ATP8A2: variants seen among roughly 807,000 people sequenced by gnomAD.
ATP8A2 encodes the protein ATPase phospholipid transporting 8A2, also known as phospholipid-transporting ATPase IB.
A neutral mutation model predicts 165.6 loss-of-function variants in ATP8A2; 100 were observed. The observed-to-expected ratio is 0.60, with a 90% CI of 0.51 to 0.71. The LOEUF (loss-of-function observed/expected upper bound fraction) is 0.71. Among genes scored for constraint, ATP8A2 ranks in the 30% least tolerant of loss-of-function variants. The pLI is 0.00. For missense variants in ATP8A2, 1,227 were observed against 1,479.5 expected, an observed-to-expected ratio of 0.83 and a Z score of 2.80; for synonymous variants, 543 against 548.8, an observed-to-expected ratio of 0.99 and a Z score of 0.15.
chr13:25,372,342 G>T lies in ATP8A2; in HGVS notation c.76+54G>T. On this transcript the variant is annotated intron_variant, in intron 1 of 36. Transcript: ENST00000381655. This position sits in a 1 kb window ranked among gnomAD's most constrained non-coding sequence, Gnocchi z 4.8. ...GGTGGGCCCGGGGCGGGGGCGGCGC[G>T]GGGCGCGCCTGCGGTTATGCGACAC... 7.6e-7 allele frequency: 1 copy of T among 1,321,176 alleles called. No homozygotes were observed. The highest frequency in any genetic ancestry group is 1.0e-6 in the Non-Finnish European group (1 of 1,000,330). 81.8% of individuals were successfully genotyped at this position (1,321,176 alleles called of 1,614,324 possible). A position where few individuals can be genotyped will look rare whatever the true frequency, so the allele number is the denominator to read the frequency against.
intron 16 of ATP8A2, among the ~76,000 whole-genome samples, chr13:25,564,670 G>A (rs752494974): frequency 4.6e-5 from 7 of 152,168 alleles, no homozygotes; most frequent in Non-Finnish European, 8.8e-5. Flanking sequence ...TCAATTCACT[G>A]TTATTTTATT....
chr13:25,725,782 T>C (rs1174067057), intron 25 of ATP8A2, among the ~76,000 whole-genome samples: 1 of 152,188 alleles, frequency 6.6e-6, no homozygotes, highest in Non-Finnish European at 1.5e-5. Context: ...GTCTTATAGA[T>C]CAATCTTGTA....
intron 28 of ATP8A2, among the ~76,000 whole-genome samples, chr13:25,835,465 T>C (rs1191101194): frequency 6.6e-6 from 1 of 152,124 alleles, no homozygotes; most frequent in Non-Finnish European, 1.5e-5. Flanking sequence ...TCTGGCCATA[T>C]ACTCCATCTC....
chr13:25,658,292 C>T (rs2041976786), intron 24 of ATP8A2, among the ~76,000 whole-genome samples: 1 of 152,152 alleles, frequency 6.6e-6, no homozygotes, highest in African/African-American at 2.4e-5. Flanking sequence ...CCAAAAATGA[C>T]CAGACATTCC....
intron 33 of ATP8A2, among the ~76,000 whole-genome samples, chr13:25,916,738 A>T (rs1954278646): frequency 6.6e-6 from 1 of 152,164 alleles, no homozygotes; most frequent in African/African-American, 2.4e-5. Flanking sequence ...CTAACCCATC[A>T]TCATTTTTGT....
At chr13:25,859,896 T>A (rs1952294757) in intron 30 of ATP8A2, among the ~76,000 whole-genome samples, 1 of 152,208 alleles carries the variant, frequency 6.6e-6, no homozygotes, top group African/African-American at 2.4e-5. Context: ...CTCCTTTTTT[T>A]AAAACAAACT....
rs536748038 is a variant in ATP8A2 at position 25,390,165 on chromosome 13, T to C, written c.76+17877T>C. Among the ~76,000 whole-genome samples the C allele has an allele frequency of 2.0e-5, 3 of 152,244 alleles. No individual in the cohort carries two copies. The East Asian group carries it at 5.8e-4, about 30-fold the overall frequency. On this transcript the variant is annotated intron_variant, in intron 1 of 36. Coordinates refer to ENST00000381655, the MANE Select transcript of ATP8A2 (RefSeq NM_016529.6). ...TGTGCCTTAACACCCAGCTAATTTT[T>C]GTATTTTTAGTACAGATGAGGTTTC...
intron 27 of ATP8A2, among the ~76,000 whole-genome samples, chr13:25,798,442 G>A (rs938020801): frequency 2.0e-5 from 3 of 152,218 alleles, no homozygotes; most frequent in Middle Eastern, 3.4e-3. Flanking sequence ...ACTGTCTGTG[G>A]TCATGCACTT....
At chr13:25,903,774 T>G (rs1485393151) in intron 33 of ATP8A2, among the ~76,000 whole-genome samples, 1 of 152,208 alleles carries the variant, frequency 6.6e-6, no homozygotes, top group Non-Finnish European at 1.5e-5. Context: ...TTACCCTGTT[T>G]CCAAGTCACT....
intron 2 of ATP8A2, chr13:25,517,237 A>T (rs2037508545): frequency 6.6e-6 from 1 of 152,184 alleles, no homozygotes; most frequent in Non-Finnish European, 1.5e-5. Flanking sequence ...AAGTTAAAAA[A>T]AAAAGAAAGA....
intron 24 of ATP8A2, among the ~76,000 whole-genome samples, chr13:25,655,059 G>A (rs2041897773): frequency 1.3e-5 from 2 of 152,200 alleles, no homozygotes; most frequent in Non-Finnish European, 2.9e-5. Context: ...TTGTCTGAGG[G>A]TTAGAAGACT....
intron 35 of ATP8A2, among the ~76,000 whole-genome samples, chr13:25,973,494 A>G (rs1593652166): frequency 1.3e-5 from 2 of 152,308 alleles, no homozygotes; most frequent in East Asian, 1.9e-4. Context: ...GAACCACAGC[A>G]GCAAGATTTC....
intron 10 of ATP8A2, among the ~76,000 whole-genome samples, chr13:25,545,523 T>C (rs1358992820): frequency 6.6e-6 from 1 of 152,062 alleles, no homozygotes; most frequent in East Asian, 1.9e-4. Context: ...AAAAATAGTT[T>C]AGTACCCTGC....
intron 1 of ATP8A2, among the ~76,000 whole-genome samples, chr13:25,385,976 G>A (rs907064255): frequency 3.1e-4 from 47 of 150,512 alleles, no homozygotes; most frequent in African/African-American, 9.1e-4. Flanking sequence ...GCAGTGGTTC[G>A]ACCTTAGCGG....
chr13:25,390,882 G>T (rs1049307642), intron 1 of ATP8A2, among the ~76,000 whole-genome samples: 1 of 150,492 alleles, frequency 6.6e-6, no homozygotes, highest in African/African-American at 2.4e-5. Context: ...CCGAGATCAT[G>T]CCACTGCACT....
chr13:25,796,975 A>G (rs984561743), intron 27 of ATP8A2, among the ~76,000 whole-genome samples: 2 of 152,202 alleles, frequency 1.3e-5, no homozygotes, highest in African/African-American at 2.4e-5. Flanking sequence ...ACATTTAAAA[A>G]TAACTAAAAC....
At chr13:25,567,518 A>G (rs1008579074) in intron 16 of ATP8A2, among the ~76,000 whole-genome samples, 20 of 152,174 alleles carry the variant, frequency 1.3e-4, no homozygotes, top group Admixed American at 3.9e-4. Context: ...CCCCTGTGAA[A>G]AGGAAGCCCT....
chr13:25,716,890 G>A (rs1029567678), intron 25 of ATP8A2, among the ~76,000 whole-genome samples: 2 of 152,194 alleles, frequency 1.3e-5, no homozygotes, highest in Admixed American at 1.3e-4. Flanking sequence ...ACAGTGATGT[G>A]CAGTGTATAA....
chr13:25,685,750 C>T (rs1166837944), intron 24 of ATP8A2, among the ~76,000 whole-genome samples: 1 of 152,130 alleles, frequency 6.6e-6, no homozygotes, highest in Non-Finnish European at 1.5e-5. Flanking sequence ...GCCTCGCTGG[C>T]CATCAGAAGG....
Sources: allele counts gnomAD v4.1 joint callset (sites outside exome capture counted in the v4.1 genomes callset), GRCh38; gene constraint gnomAD v4.1.1; non-coding constraint Gnocchi (gnomAD v3.1); transcripts MANE v1.5; gene names NCBI Gene and HGNC (gene_info 2026-07-23, HGNC 2026-07-21).